IDUA: variants seen among roughly 807,000 people sequenced by gnomAD.
The protein encoded by IDUA is iduronidase alpha-L-.
A neutral mutation model predicts 68.9 loss-of-function variants in IDUA; 65 were observed. The ratio of observed to expected loss-of-function variants is 0.94; its 90% CI spans 0.77 to 1.16. The LOEUF (loss-of-function observed/expected upper bound fraction) is 1.16, where lower values mean the gene tolerates loss of function less well. Among genes scored for constraint, IDUA ranks in the 50% most tolerant of loss-of-function variants. IDUA has a pLI of 0.00. For synonymous variants in IDUA, 529 were observed against 433.6 expected (o/e 1.22, Z -2.73); for missense variants, 1,046 against 938.0 (o/e 1.12, Z -1.50).
At chr4:1,000,511 AC>A (rs1425543146) in intron 2 of IDUA, 100 bp from the exon 3 acceptor site, 1 of 933,878 alleles carries the variant, frequency 1.1e-6, no homozygotes, top group African/African-American at 1.6e-5. Context: ...CCTGTGTGGC[AC>A]CTTGCAGGCT....
intron 2 of IDUA, 134 bp from the exon 3 acceptor site, chr4:1,000,478 C>A: frequency 1.4e-6 from 1 of 737,412 alleles, no homozygotes; most frequent in Non-Finnish European, 2.5e-6. Context: ...GGGAAGGGCC[C>A]CTCGGGAAGC....
rs779636819 is a variant in IDUA at position 1,001,732 on chromosome 4, G to A, written c.643G>A (p.Ala215Thr). 18 of 1,599,626 alleles carry A rather than the reference G, an allele frequency of 1.1e-5. No individual in the cohort carries two copies. The highest frequency in any genetic ancestry group is 1.4e-5 in the Non-Finnish European group (17 of 1,178,586). The part of the protein sequence containing the change: ...CSEGLRAASP[A>T]LRLGGPGDSF... ...GGAGGGTCTGCGCGCCGCCAGCCCC[G>A]CCCTGCGGCTGGGAGGCCCCGGCGA... Residue 215 changes from alanine (A) to threonine (T), a missense_variant, in exon 6 of 14, where the codon GCC (alanine) becomes ACC (threonine). Ala to Thr is a moderately conservative substitution (Grantham distance 58, BLOSUM62 0). Coordinates refer to ENST00000514224, the MANE Select transcript of IDUA (RefSeq NM_000203.5).
At position 1,002,768 on chromosome 4, in the gene IDUA, G is replaced by A. The variant is rs1465083754; in HGVS notation, c.1226G>A (p.Gly409Glu). Residue 409 changes from glycine (G) to glutamate (E), a missense_variant, in exon 9 of 14, where the codon GGG becomes GAG. Physicochemically the swap from Gly to Glu is moderately conservative, Grantham distance 98 (BLOSUM62 -2). Transcript: ENST00000514224. ...EQLWAEVSQA[G>E]TVLDSNHTVG... Reference sequence around the variant, plus strand: ...CTCTGGGCCGAAGTGTCGCAGGCCGGGACCGTCCTGGACAGCAACCACACG... The same window carrying A: ...CTCTGGGCCGAAGTGTCGCAGGCCGAGACCGTCCTGGACAGCAACCACACG... 11 of 1,472,764 alleles carry A rather than the reference G, an allele frequency of 7.5e-6. No homozygotes were observed. Among genetic ancestry groups the A allele is most frequent in the Non-Finnish European group, 9.8e-6 (11 of 1,117,808 alleles). 91.2% of individuals were successfully genotyped at this position (1,472,764 alleles called of 1,614,324 possible).
At position 1,002,863 on chromosome 4, in the gene IDUA, T is replaced by G. The variant is rs1715186994; in HGVS notation, c.1321T>G (p.Tyr441Asp). Residue 441 changes from tyrosine to aspartate, a missense_variant, in exon 9 of 14, where the codon TAC (tyrosine) becomes GAC (aspartate). Transcript: ENST00000514224. ...ADAWRAAVLI[Y>D]ASDDTRAHPN... ...CGCCTGGCGCGCCGCGGTGCTGATCTACGCGAGCGACGACACCCGCGCCCA... is the reference window on the plus strand; with the variant it reads ...CGCCTGGCGCGCCGCGGTGCTGATCGACGCGAGCGACGACACCCGCGCCCA... 1.4e-6 allele frequency: 2 copies of G among 1,448,026 alleles called. No individual in the cohort carries two copies. Among genetic ancestry groups the G allele is most frequent in the Non-Finnish European group, 1.8e-6 (2 of 1,106,908 alleles). The allele number at this position is 1,448,026 out of a possible 1,614,324, so 89.7% of individuals were successfully genotyped here.
At chr4:988,679 C>A in intron 2 of IDUA, 1 of 1,413,696 alleles carries the variant, frequency 7.1e-7, no homozygotes, top group Non-Finnish European at 9.2e-7. Context: ...GCCTCCTTTC[C>A]CAGTTGGGGT....
chr4:1,002,687 C>T, intron 8 of IDUA, 45 bp from the exon 9 acceptor site: 2 of 1,352,854 alleles, frequency 1.5e-6, no homozygotes, highest in Admixed American at 2.2e-5. Context: ...CGGGGGGCGG[C>T]TGGGCAACGA....
chr4:1,003,183 G>C (rs920839395), intron 10 of IDUA, 26 bp downstream of exon 10: 1 of 1,317,774 alleles, frequency 7.6e-7, no homozygotes, highest in East Asian at 3.2e-5. Context: ...AGGGGCGAGG[G>C]GCCGGGCCGG....
upstream of IDUA, chr4:987,026 C>A: frequency 6.7e-7 from 1 of 1,495,876 alleles, no homozygotes; most frequent in Non-Finnish European, 8.9e-7. Context: ...CAGACTCCGA[C>A]CCGGAGGCGG....
At position 1,003,587 on chromosome 4, in the gene IDUA, G is replaced by C. The variant is rs1577544315; in HGVS notation, c.1689G>C (p.Gln563His). 1.2e-6 allele frequency: 2 copies of C among 1,612,446 alleles called. No individual in the cohort carries two copies. The highest frequency in any genetic ancestry group is 1.6e-4 in the Middle Eastern group (1 of 6,062). ...RLRALPLTQG[Q>H]LVLVWSDEHV... ...GCGCCCTGCCCCTGACCCAAGGGCA[G>C]CTGGTTCTGGTCTGGTCGGATGAAC... Residue 563 changes from glutamine (Q) to histidine (H), a missense_variant, in exon 12 of 14, where the codon CAG becomes CAC. Transcript: ENST00000514224.
intron 2 of IDUA, among the ~76,000 whole-genome samples, chr4:995,638 G>T (rs1189143844): frequency 9.9e-5 from 15 of 152,240 alleles, no homozygotes; most frequent in Non-Finnish European, 2.2e-4. Flanking sequence ...GAAGCCGAGG[G>T]TCTCGCAGAA....
rs1715292284 is a variant in IDUA at position 1,004,045 on chromosome 4, G to C, written c.1761G>C (p.Gln587His). The C allele has an allele frequency of 6.2e-7, 1 of 1,612,198 alleles. No homozygotes were observed. The highest frequency in any genetic ancestry group is 8.5e-7 in the Non-Finnish European group (1 of 1,179,692). Residue 587 changes from glutamine to histidine, a missense_variant, in exon 13 of 14, where the codon CAG becomes CAC. Coordinates refer to ENST00000514224, the MANE Select transcript of IDUA (RefSeq NM_000203.5). This position sits in a 1 kb window ranked among gnomAD's most constrained non-coding sequence, Gnocchi z 5.0. ...CLWTYEIQFS[Q>H]DGKAYTPVSR... ...GGACATACGAGATCCAGTTCTCTCAGGACGGTAAGGCGTACACCCCGGTCA... is the reference window on the plus strand; with the variant it reads ...GGACATACGAGATCCAGTTCTCTCACGACGGTAAGGCGTACACCCCGGTCA...
Position 987,118 on chromosome 4 carries a change from G to GCGCTCCTGGCCT in IDUA, c.46_57dup (p.Ser16_Ala19dup), listed in dbSNP as rs398123260. Reference sequence around the variant, plus strand: ...CCTGCGCCCCCGCGCCGCGCTGCTGGCGCTCCTGGCCTCGCTCCTGGCCGC... The same window carrying GCGCTCCTGGCCT: ...CCTGCGCCCCCGCGCCGCGCTGCTGGCGCTCCTGGCCTCGCTCCTGGCCTCGCTCCTGGCCGC... On this transcript the variant is annotated inframe_insertion, in exon 1 of 14. Transcript: ENST00000514224. 8 of 1,445,530 alleles carry GCGCTCCTGGCCT rather than the reference G, an allele frequency of 5.5e-6. No individual in the cohort carries two copies. In the African/African-American group the frequency reaches 8.9e-5, roughly 16 times the overall value. The allele number at this position is 1,445,530 out of a possible 1,614,324, so 89.5% of individuals were successfully genotyped here.
chr4:989,158 C>T lies in IDUA; in HGVS notation c.299+1209C>T, dbSNP rs950995858. 8.1e-6 allele frequency: 13 copies of T among 1,607,274 alleles called. No homozygotes were observed. The Middle Eastern group carries it at 6.6e-4, about 82-fold the overall frequency. ...CAGCGCAGCCCTGGTGCTAACCGGG[C>T]CCAGGTCCTCGCCCTGGGCAGGGCC... On this transcript the variant is annotated intron_variant, in intron 2 of 13. Transcript: ENST00000514224.
intron 2 of IDUA, 37 bp downstream of exon 2, chr4:987,986 C>G: frequency 6.5e-7 from 1 of 1,541,032 alleles, no homozygotes; most frequent in Non-Finnish European, 8.8e-7. Context: ...CCCAGAGCCC[C>G]TTACAGAGGC....
chr4:989,788 T>C lies in IDUA; in HGVS notation c.299+1839T>C, dbSNP rs1216050211. 4.5e-6 allele frequency: 7 copies of C among 1,569,510 alleles called. No homozygotes were observed. Among genetic ancestry groups the C allele is most frequent in the East Asian group, 2.4e-5 (1 of 42,516 alleles). ...GCAGTGGAGGAAGGCGGGTAGCACG[T>C]TGCAGCAGCCCACAGCCAGCAGCTC... On this transcript the variant is annotated intron_variant, in intron 2 of 13. Coordinates refer to ENST00000514224, the MANE Select transcript of IDUA (RefSeq NM_000203.5).
rs147163995 is a variant in IDUA at position 1,004,360 on chromosome 4, G to C, written c.1929G>C (p.Val643=). 1.2e-5 allele frequency: 19 copies of C among 1,611,300 alleles called. No homozygotes were observed. The South Asian group carries it at 2.1e-4, about 18-fold the overall frequency. ...SDPVPYLEVP[V]PRGPPSPGNP is the part of the protein sequence containing the mutation. The stretch of plus-strand genomic sequence containing the variant: ...CTGTGCCGTACCTGGAGGTCCCTGT[G>C]CCAAGAGGGCCCCCATCCCCGGGCA... The change falls in exon 14 of 14, where the codon GTG becomes GTC. Residue 643 remains valine, a synonymous_variant. Coordinates refer to ENST00000514224, the MANE Select transcript of IDUA (RefSeq NM_000203.5). This position sits in a 1 kb window ranked among gnomAD's most constrained non-coding sequence, Gnocchi z 5.0.
intron 2 of IDUA, among the ~76,000 whole-genome samples, chr4:1,000,218 G>A (rs1316173072): frequency 6.6e-6 from 1 of 152,230 alleles, no homozygotes; most frequent in African/African-American, 2.4e-5. Flanking sequence ...TTGGGGTGTG[G>A]GAGGGGAAAT....
In IDUA at chr4:1,004,151, A is replaced by G. The variant is rs774565261; in HGVS notation, c.1828+39A>G. On this transcript the variant is annotated intron_variant, in intron 13 of 13. Coordinates refer to ENST00000514224, the MANE Select transcript of IDUA (RefSeq NM_000203.5). The surrounding 1 kb of genome is among the most constrained non-coding windows in gnomAD (Gnocchi z 5.0). ...CCGCTGCCCTGGACTCGGCCACCCC[A>G]TTCTTGGGCCTCAGGGCAGTACTGG... is the stretch of plus-strand genomic sequence containing the variant. 1.9e-6 allele frequency: 3 copies of G among 1,611,624 alleles called. No individual in the cohort carries two copies. Among genetic ancestry groups the G allele is most frequent in the Non-Finnish European group, 2.5e-6 (3 of 1,178,962 alleles).
At chr4:990,859 A>C in intron 2 of IDUA, 1 of 484,370 alleles carries the variant, frequency 2.1e-6, no homozygotes, top group East Asian at 3.4e-5. Context: ...ACTGAGCCAC[A>C]GCCACACCTG....
Sources: gnomAD v4.1 joint callset for allele counts (sites outside exome capture counted in the v4.1 genomes callset) on GRCh38, gnomAD v4.1.1 for gene constraint, Gnocchi (gnomAD v3.1) non-coding constraint, MANE v1.5 for transcripts, NCBI Gene and HGNC (gene_info 2026-07-23, HGNC 2026-07-21) for gene names.